The following ACTR8 variants were observed in gnomAD, a reference collection of about 807,000 sequenced individuals.
ACTR8 encodes the protein actin-related protein 8.
A neutral mutation model predicts 84.3 loss-of-function variants in ACTR8; 70 were observed. That is an observed-to-expected ratio of 0.83 (90% CI 0.68 to 1.01). ACTR8 has a LOEUF of 1.01. ACTR8 is among the 50% of genes least tolerant of loss of function. The pLI is 0.00. For synonymous variants in ACTR8, 268 were observed against 275.2 expected, an observed-to-expected ratio of 0.97 and a Z score of 0.26; for missense variants, 672 against 775.4, an observed-to-expected ratio of 0.87 and a Z score of 1.58.
At chr3:53,862,687 A>T (rs1290666718), downstream of ACTR8, among the ~76,000 whole-genome samples, 2 of 152,352 alleles carry the variant, frequency 1.3e-5, no homozygotes, top group East Asian at 3.9e-4. Context: ...ACACAGAAGC[A>T]GCAGCATCAG....
At position 53,870,131 on chromosome 3, in the gene ACTR8, T is replaced by G. The variant is rs1203951842; in HGVS notation, c.1582A>C (p.Lys528Gln). The change falls in exon 12 of 13, where the codon AAA (lysine) becomes CAA (glutamine). Residue 528 changes from lysine to glutamine, a missense_variant. Transcript: ENST00000335754. The surrounding 1 kb of genome is among the most constrained non-coding windows in gnomAD (Gnocchi z 4.1). ...AGGATGGAGCTGTACATCTTCTTTTTGGTGTCGTCAGATGCTGAAAAGACA... is the reference window on the plus strand; with the variant it reads ...AGGATGGAGCTGTACATCTTCTTTTGGGTGTCGTCAGATGCTGAAAAGACA... ...SIDCCSSDDTKKKMYSSILVV... is the reference protein window; with the variant it reads ...SIDCCSSDDTQKKMYSSILVV... 6.2e-7 allele frequency: 1 copy of G among 1,613,044 alleles called. No homozygotes were observed. Among genetic ancestry groups the G allele is most frequent in the East Asian group, 2.2e-5 (1 of 44,858 alleles).
Position 53,870,210 on chromosome 3 carries a change from C to A in ACTR8, c.1568-65G>T. ...CATCCATAATTCTAGGCCAAGCCAC[C>A]AACACCTCTTGCTTGAGCAAGTGCA... is the stretch of plus-strand genomic sequence containing the variant. On this transcript the variant is annotated intron_variant, in intron 11 of 12. Coordinates refer to ENST00000335754, the MANE Select transcript of ACTR8 (RefSeq NM_022899.5). This position sits in a 1 kb window ranked among gnomAD's most constrained non-coding sequence, Gnocchi z 4.1. 6.4e-7 allele frequency: 1 copy of A among 1,569,348 alleles called. No homozygotes were observed.
downstream of ACTR8, among the ~76,000 whole-genome samples, chr3:53,863,738 CAAAATGT>C (rs1377151072): frequency 6.6e-6 from 1 of 152,008 alleles, no homozygotes; most frequent in Non-Finnish European, 1.5e-5. Context: ...TGACCCGACT[CAAAATGT>C]GAAGTGCAGA....
At chr3:53,865,245 C>G (rs1559786782), downstream of ACTR8, 1 of 1,612,862 alleles carries the variant, frequency 6.2e-7, no homozygotes, top group Admixed American at 1.7e-5. Context: ...TTCTCCATGT[C>G]AAGCAGCAGG....
At chr3:53,877,101 G>C in intron 5 of ACTR8, 113 bp downstream of exon 5, 1 of 1,047,044 alleles carries the variant, frequency 9.6e-7, no homozygotes, top group Non-Finnish European at 1.3e-6. Context: ...TCCTCACCCT[G>C]AAGGTCAAGA....
At chr3:53,871,873 G>A (rs532982348) in intron 10 of ACTR8, among the ~76,000 whole-genome samples, 1 of 152,312 alleles carries the variant, frequency 6.6e-6, no homozygotes, top group East Asian at 1.9e-4. Context: ...CAGATCCTAT[G>A]AGTCCACCTC....
At chr3:53,861,372 G>C in the ACTR8 span, 1 of 151,942 alleles carries the variant, frequency 6.6e-6, no homozygotes, top group African/African-American at 2.4e-5. Flanking sequence ...AGCTGTGATT[G>C]TTCACCATTT....
chr3:53,877,708 T>G lies in ACTR8; in HGVS notation c.449A>C (p.His150Pro). 1 of 1,614,138 alleles carries G rather than the reference T, an allele frequency of 6.2e-7. No individual in the cohort carries two copies. Among genetic ancestry groups the G allele is most frequent in the Non-Finnish European group, 8.5e-7 (1 of 1,180,004 alleles). ...NKQMRPAILD[H>P]CSGNKWTNTS... ...GTTTGTCCACTTATTTCCCGAACAG[T>G]GATCTAAAATTGCAGGTCGCATCTG... Residue 150 changes from histidine (H) to proline (P), a missense_variant, in exon 4 of 13, where the codon CAC becomes CCC. Physicochemically the swap from His to Pro is moderately conservative, Grantham distance 77 (BLOSUM62 -2). Transcript: ENST00000335754.
At chr3:53,881,769 G>C in intron 1 of ACTR8, 1 of 725,194 alleles carries the variant, frequency 1.4e-6, no homozygotes, top group Non-Finnish European at 2.2e-6. Context: ...TCCCTGCGGG[G>C]GCTCCGCCTG....
chr3:53,878,259 C>T (rs1203341722), intron 3 of ACTR8, 98 bp downstream of exon 3: 2 of 933,582 alleles, frequency 2.1e-6, no homozygotes, highest in Admixed American at 2.2e-5. Flanking sequence ...TAAGGAACTC[C>T]CATCTTGTAT....
chr3:53,880,021 A>C lies in ACTR8; in HGVS notation c.212T>G (p.Ile71Ser), dbSNP rs1443020225. The C allele has an allele frequency of 1.2e-6, 2 of 1,614,080 alleles. No homozygotes were observed. Among genetic ancestry groups the C allele is most frequent in the Admixed American group, 3.3e-5 (2 of 60,006 alleles). Reference sequence around the variant, plus strand: ...GTGTCTTCGGGCAATGACGTGAGGAATGCTGGCAGGAAGAGTGTCTGTGGC... The same window carrying C: ...GTGTCTTCGGGCAATGACGTGAGGACTGCTGGCAGGAAGAGTGTCTGTGGC... The part of the protein sequence containing the change: ...GRATDTLPAS[I>S]PHVIARRHKQ... The change falls in exon 2 of 13, where the codon ATT becomes AGT. Residue 71 changes from isoleucine to serine, a missense_variant. Coordinates refer to ENST00000335754, the MANE Select transcript of ACTR8 (RefSeq NM_022899.5).
At position 53,871,239 on chromosome 3, in the gene ACTR8, G is replaced by T. The variant is rs757458013; in HGVS notation, c.1560C>A (p.Asp520Glu). The change falls in exon 11 of 13, where the codon GAC (aspartate) becomes GAA (glutamate). Residue 520 changes from aspartate (D) to glutamate (E), a missense_variant. Transcript: ENST00000335754. ...CTCCCCAGATGTGCTTACAACAGCA[G>T]TCTATGCTATGGAGGATGGCTTTAT... ...GLDKAILHSI[D>E]CCSSDDTKKK... The T allele has an allele frequency of 6.2e-7, 1 of 1,613,140 alleles. No homozygotes were observed. Among genetic ancestry groups the T allele is most frequent in the Non-Finnish European group, 8.5e-7 (1 of 1,179,104 alleles).
At chr3:53,861,047 G>A in the ACTR8 span, 2 of 152,306 alleles carry the variant, frequency 1.3e-5, no homozygotes, top group South Asian at 2.1e-4. Context: ...TGTTGCTACT[G>A]TGGTGAGCTC....
At position 53,876,099 on chromosome 3, in the gene ACTR8, A is replaced by G. The variant is rs62252970; in HGVS notation, c.779-19T>C. 1.2e-6 allele frequency: 2 copies of G among 1,611,752 alleles called. No homozygotes were observed. The highest frequency in any genetic ancestry group is 2.2e-5 in the East Asian group (1 of 44,798). On this transcript the variant is annotated intron_variant, in intron 6 of 12. Transcript: ENST00000335754. ...ACAATCCCTGGGGGGGGAAAAGAAA[A>G]GGCAGAGTAGTCATTAGCTGTAGCA...
At chr3:53,861,080 A>G in the ACTR8 span, 3 of 152,298 alleles carry the variant, frequency 2.0e-5, no homozygotes, top group African/African-American at 7.2e-5. Flanking sequence ...TATCGACTTA[A>G]AACACCCTGT....
chr3:53,865,134 G>C, downstream of ACTR8: 1 of 1,614,112 alleles, frequency 6.2e-7, no homozygotes, highest in East Asian at 2.2e-5. Flanking sequence ...AATACGTGGT[G>C]GTCTACTTTA....
At position 53,867,066 on chromosome 3, in the gene ACTR8, T is replaced by C. The variant is rs1047146165; in HGVS notation, c.*1653A>G. On this transcript the variant is annotated 3_prime_UTR_variant, in exon 13 of 13. Coordinates refer to ENST00000335754, the MANE Select transcript of ACTR8 (RefSeq NM_022899.5). Reference sequence around the variant, plus strand: ...GCTTAGTAATGGCTGAGGCAATATGTTTAATGTAGCAAATTTTACTTATTT... The same window carrying C: ...GCTTAGTAATGGCTGAGGCAATATGCTTAATGTAGCAAATTTTACTTATTT... 6 of 152,214 alleles carry C rather than the reference T, an allele frequency of 3.9e-5. No homozygotes were observed. Among genetic ancestry groups the C allele is most frequent in the African/African-American group, 1.4e-4 (6 of 41,464 alleles). The allele number at this position is 152,214 out of a possible 1,614,324, so 9.4% of individuals were successfully genotyped here.
the ACTR8 span, chr3:53,860,355 T>TACCTTC: frequency 6.1e-6 from 4 of 654,450 alleles, no homozygotes; most frequent in Non-Finnish European, 1.1e-5. Context: ...ATTTATGTAA[T>TACCTTC]ACCTTCAAGT....
Position 53,870,221 on chromosome 3 carries a change from G to A in ACTR8, c.1568-76C>T. ...CTAGGCCAAGCCACCAACACCTCTTGCTTGAGCAAGTGCAATAGCCTTCTC... is the reference window on the plus strand; with the variant it reads ...CTAGGCCAAGCCACCAACACCTCTTACTTGAGCAAGTGCAATAGCCTTCTC... On this transcript the variant is annotated intron_variant, in intron 11 of 12. Transcript: ENST00000335754. This position sits in a 1 kb window ranked among gnomAD's most constrained non-coding sequence, Gnocchi z 4.1. The A allele has an allele frequency of 1.3e-6, 2 of 1,534,020 alleles. No homozygotes were observed. The highest frequency in any genetic ancestry group is 1.8e-6 in the Non-Finnish European group (2 of 1,126,126).
Sources: gnomAD v4.1 joint callset for allele counts (sites outside exome capture counted in the v4.1 genomes callset) on GRCh38, gnomAD v4.1.1 for gene constraint, Gnocchi (gnomAD v3.1) non-coding constraint, MANE v1.5 for transcripts, NCBI Gene and HGNC (gene_info 2026-07-23, HGNC 2026-07-21) for gene names.